CDH8: variants seen among roughly 807,000 people sequenced by gnomAD.
CDH8 encodes cadherin-8.
CDH8 carries 17 observed loss-of-function variants against 68.1 expected under a neutral mutation model. The observed-to-expected ratio is 0.25, with a 90% CI of 0.17 to 0.37. The LOEUF is 0.37. Ranked by LOEUF, CDH8 falls within the 10% of genes least tolerant of loss-of-function variation. The pLI is 1.00. For synonymous variants in CDH8, 372 were observed against 365.1 expected, an observed-to-expected ratio of 1.02 and a Z score of -0.21; for missense variants, 763 against 999.3, an observed-to-expected ratio of 0.76 and a Z score of 3.19.
At chr16:61,847,538 T>TTATATATA (rs56946081) in intron 4 of CDH8, among the ~76,000 whole-genome samples, 2,190 of 136,548 alleles carry the variant, frequency 0.016, 23 homozygotes, top group Non-Finnish European at 0.025. Context: ...TCCAATCATT[T>TTATATATA]TATATATATA....
At chr16:61,694,856 A>G (rs1964295999) in intron 10 of CDH8, among the ~76,000 whole-genome samples, 1 of 151,482 alleles carries the variant, frequency 6.6e-6, no homozygotes, top group Non-Finnish European at 1.5e-5. Flanking sequence ...ATCTCGGCTC[A>G]CTGCAACCTC....
rs1226715412 is a variant in CDH8 at position 61,901,208 on chromosome 16, T to C, written c.518A>G (p.His173Arg). 1.6e-5 allele frequency: 26 copies of C among 1,613,864 alleles called. No individual in the cohort carries two copies. The highest frequency in any genetic ancestry group is 2.2e-5 in the Non-Finnish European group (26 of 1,179,922). The change falls in exon 3 of 12, where the codon CAT (histidine) becomes CGT (arginine). Residue 173 changes from histidine to arginine, a missense_variant. This residue lies in a region of CDH8 where 366 missense variants were observed against 563.1 expected (regional missense o/e 0.65). Transcript: ENST00000577390. Reference sequence around the variant, plus strand: ...AATGGACATTTCTGGCACAGTAGCATGATAGGGTCCATTAAGAAACTCTGG... The same window carrying C: ...AATGGACATTTCTGGCACAGTAGCACGATAGGGTCCATTAAGAAACTCTGG... ...NAPEFLNGPYHATVPEMSILG... is the reference protein window; with the variant it reads ...NAPEFLNGPYRATVPEMSILG...
rs960311494 is a variant in CDH8, at chr16:61,657,058, T to G, written c.1655-1337A>C. Among the ~76,000 whole-genome samples the G allele has an allele frequency of 8.8e-4, 23 of 26,062 alleles. 1 individual carries two copies. The highest frequency in any genetic ancestry group is 5.5e-3 in the African/African-American group (12 of 2,196). 17.1% of individuals were successfully genotyped at this position (26,062 alleles called of 152,430 possible). On this transcript the variant is annotated intron_variant, in intron 10 of 11. Transcript: ENST00000577390. ...TTATTTGGGCAAAATAATTATTTGT[T>G]TTTTTTTTTTCAAATATTGGCCAAT...
At chr16:61,755,898 A>G (rs1230808675) in intron 8 of CDH8, among the ~76,000 whole-genome samples, 1 of 151,828 alleles carries the variant, frequency 6.6e-6, no homozygotes, top group African/African-American at 2.4e-5. Context: ...TAAGCTCACT[A>G]CAACCTCTGC....
chr16:61,803,772 C>G (rs1173013450), intron 7 of CDH8, among the ~76,000 whole-genome samples: 1 of 142,010 alleles, frequency 7.0e-6, no homozygotes, highest in East Asian at 2.0e-4. Flanking sequence ...AGCTAACTAT[C>G]CTAAATATAT....
chr16:61,868,212 T>C (rs1478860275), intron 3 of CDH8, among the ~76,000 whole-genome samples: 1 of 152,196 alleles, frequency 6.6e-6, no homozygotes, highest in African/African-American at 2.4e-5. Flanking sequence ...ACACAAACAC[T>C]ATAATGTTTC....
At chr16:61,744,191 C>T (rs8048207) in intron 8 of CDH8, among the ~76,000 whole-genome samples, 23,868 of 151,968 alleles carry the variant, frequency 0.16, 3,017 homozygotes, top group African/African-American at 0.35. Flanking sequence ...TCTCTATCTT[C>T]GGTTTTTCGG....
intron 8 of CDH8, among the ~76,000 whole-genome samples, chr16:61,731,877 T>C (rs931065018): frequency 9.2e-5 from 14 of 151,544 alleles, no homozygotes; most frequent in Admixed American, 8.6e-4. Context: ...TAAATGAAGA[T>C]GCCATAACAA....
intron 2 of CDH8, among the ~76,000 whole-genome samples, chr16:62,005,234 G>A (rs562622414): frequency 1.3e-5 from 2 of 152,318 alleles, no homozygotes; most frequent in African/African-American, 2.4e-5. Context: ...CAAGCCTAGC[G>A]AAGTATTCCT....
chr16:61,990,286 T>C (rs949162211), intron 2 of CDH8, among the ~76,000 whole-genome samples: 18 of 146,460 alleles, frequency 1.2e-4, no homozygotes, highest in African/African-American at 4.2e-4. Flanking sequence ...TACATAGTAA[T>C]AAGATTCTTG....
Position 61,840,923 on chromosome 16 carries a change from C to CATAAA in CDH8, c.668-15749_668-15745dup, listed in dbSNP as rs990269085. 1.7e-4 allele frequency among the ~76,000 whole-genome samples: 26 copies of CATAAA among 150,114 alleles called. No individual in the cohort carries two copies. The South Asian group carries it at 4.9e-3, about 28-fold the overall frequency. The stretch of plus-strand genomic sequence containing the variant: ...CCTGCACATGTATCCCAGAACTTAA[C>CATAAA]ATAAAATAAAATAAAATAACTTTTT... On this transcript the variant is annotated intron_variant, in intron 4 of 11. Coordinates refer to ENST00000577390, the MANE Select transcript of CDH8 (RefSeq NM_001796.5).
chr16:61,662,836 C>A (rs980188831), intron 10 of CDH8, among the ~76,000 whole-genome samples: 9 of 151,872 alleles, frequency 5.9e-5, no homozygotes, highest in Non-Finnish European at 8.8e-5. Context: ...TCCACAGGAA[C>A]CAATCCCCAG....
rs1382466901 is a variant in CDH8 at position 61,716,734 on chromosome 16, A to G, written c.1537-2776T>C. On this transcript the variant is annotated intron_variant, in intron 9 of 11. Transcript: ENST00000577390. ...CTTCCAAATATCCCATAAACTGGTTATGATTAAGATTTTTGGTTAAACCAC... is the reference window on the plus strand; with the variant it reads ...CTTCCAAATATCCCATAAACTGGTTGTGATTAAGATTTTTGGTTAAACCAC... Among the ~76,000 whole-genome samples the G allele has an allele frequency of 2.6e-5, 4 of 151,706 alleles. No individual in the cohort carries two copies. The East Asian group carries it at 7.8e-4, about 29-fold the overall frequency.
intron 9 of CDH8, among the ~76,000 whole-genome samples, chr16:61,718,863 C>A (rs9940780): frequency 0.012 from 1,814 of 150,954 alleles, 56 homozygotes; most frequent in African/African-American, 0.042. Flanking sequence ...AAGAAGGGTG[C>A]TTAAAAATAG....
chr16:61,969,613 T>C (rs1458766115), intron 2 of CDH8, among the ~76,000 whole-genome samples: 1 of 152,226 alleles, frequency 6.6e-6, no homozygotes, highest in African/African-American at 2.4e-5. Flanking sequence ...ATGCATTTCA[T>C]TCATCAATTT....
At chr16:61,709,125 A>G (rs1224296075) in intron 10 of CDH8, among the ~76,000 whole-genome samples, 5 of 152,090 alleles carry the variant, frequency 3.3e-5, no homozygotes, top group Non-Finnish European at 5.9e-5. Flanking sequence ...GTTTTTATAA[A>G]GGACACTTGA....
chr16:61,763,062 A>G (rs1354658251), intron 8 of CDH8, among the ~76,000 whole-genome samples: 1 of 152,192 alleles, frequency 6.6e-6, no homozygotes, highest in Non-Finnish European at 1.5e-5. Flanking sequence ...ATTGCCCTCA[A>G]TCACACATCT....
chr16:61,708,428 A>G (rs1964571300), intron 10 of CDH8, among the ~76,000 whole-genome samples: 1 of 152,190 alleles, frequency 6.6e-6, no homozygotes, highest in Admixed American at 6.5e-5. Context: ...TAATTTCAGG[A>G]TTTTTCAACA....
Position 61,675,615 on chromosome 16 carries a change from A to T in CDH8, c.1655-19894T>A, listed in dbSNP as rs533188154. Among the ~76,000 whole-genome samples, 634 of 85,686 alleles carry T rather than the reference A, an allele frequency of 7.4e-3. 5 individuals are homozygous for T. Among genetic ancestry groups the T allele is most frequent in the Non-Finnish European group, 0.01 (484 of 47,856 alleles). 56.2% of individuals were successfully genotyped at this position (85,686 alleles called of 152,430 possible). A position where few individuals can be genotyped will look rare whatever the true frequency, so the allele number is the denominator to read the frequency against. On this transcript the variant is annotated intron_variant, in intron 10 of 11. Coordinates refer to ENST00000577390, the MANE Select transcript of CDH8 (RefSeq NM_001796.5). ...AAAGTATAATAAAAAAAAATAAAAAAAATAAAAAAAATAAAAAAAAATAAA... is the reference window on the plus strand; with the variant it reads ...AAAGTATAATAAAAAAAAATAAAAATAATAAAAAAAATAAAAAAAAATAAA...
Sources: gnomAD v4.1 joint callset for allele counts (sites outside exome capture counted in the v4.1 genomes callset) on GRCh38, gnomAD v4.1.1 for gene constraint, gnomAD v4.1.1 regional missense constraint, MANE v1.5 for transcripts, NCBI Gene and HGNC (gene_info 2026-07-23, HGNC 2026-07-21) for gene names.